LSAMP: variants seen among roughly 807,000 people sequenced by gnomAD.
LSAMP encodes limbic system-associated membrane protein.
Under a neutral mutation model 38.6 loss-of-function variants are expected in LSAMP, and 7 were observed. That is an observed-to-expected ratio of 0.18 (90% confidence interval 0.10 to 0.34). The LOEUF is 0.34. Ranked by LOEUF, LSAMP falls within the 10% of genes least tolerant of loss-of-function variation. The pLI is 1.00. For missense variants in LSAMP, 313 were observed against 420.0 expected, an observed-to-expected ratio of 0.75 and a Z score of 2.23; for synonymous variants, 154 against 166.8, an observed-to-expected ratio of 0.92 and a Z score of 0.59.
At chr3:116,211,017 A>G (rs780588030) in intron 1 of LSAMP, among the ~76,000 whole-genome samples, 43 of 152,112 alleles carry the variant, frequency 2.8e-4, no homozygotes, top group Non-Finnish European at 4.0e-4. Context: ...AAAAAAAACA[A>G]AAACAAATCC....
chr3:115,994,967 G>C (rs1366506813), intron 3 of LSAMP, among the ~76,000 whole-genome samples: 1 of 152,074 alleles, frequency 6.6e-6, no homozygotes, highest in Admixed American at 6.6e-5. Flanking sequence ...TGAGAATGTA[G>C]ATGCTGGGCA....
chr3:116,019,376 T>C (rs1940574923), intron 3 of LSAMP, 139 bp downstream of exon 3: 5 of 1,027,026 alleles, frequency 4.9e-6, no homozygotes, highest in Non-Finnish European at 6.9e-6. Context: ...AATAACAAGA[T>C]AGATGCATGA....
chr3:116,197,163 A>ACACACACACACACTCTCTCTCTCTCT (rs1268040540), intron 1 of LSAMP, among the ~76,000 whole-genome samples: 1 of 139,088 alleles, frequency 7.2e-6, no homozygotes, highest in African/African-American at 2.6e-5. Flanking sequence ...ACACACACAC[A>ACACACACACACACTCTCTCTCTCTCT]CTCTCTCTCT....
At chr3:116,123,661 T>A (rs1252275963) in intron 1 of LSAMP, among the ~76,000 whole-genome samples, 1 of 152,238 alleles carries the variant, frequency 6.6e-6, no homozygotes, top group Non-Finnish European at 1.5e-5. Context: ...GATAAGGGTA[T>A]CCATGATGCT....
intron 1 of LSAMP, among the ~76,000 whole-genome samples, chr3:116,425,639 A>G (rs1013314191): frequency 6.6e-6 from 1 of 152,182 alleles, no homozygotes; most frequent in Non-Finnish European, 1.5e-5. Context: ...CTAACCGTCT[A>G]TGACTTAGGG....
chr3:115,822,195 A>G (rs1481095791), intron 6 of LSAMP, among the ~76,000 whole-genome samples: 1 of 152,180 alleles, frequency 6.6e-6, no homozygotes, highest in Non-Finnish European at 1.5e-5. Flanking sequence ...ATAAACCTCA[A>G]TGTCAAATAT....
intron 1 of LSAMP, among the ~76,000 whole-genome samples, chr3:116,394,311 A>G (rs2048741158): frequency 6.6e-6 from 1 of 152,236 alleles, no homozygotes; most frequent in Admixed American, 6.5e-5. Flanking sequence ...GGTTTTTGAT[A>G]TAGATATGTA....
chr3:116,126,105 G>A (rs925723148), intron 1 of LSAMP, among the ~76,000 whole-genome samples: 4 of 152,212 alleles, frequency 2.6e-5, no homozygotes, highest in African/African-American at 9.6e-5. Flanking sequence ...CTTTAAATAT[G>A]TTGATCCAAA....
chr3:115,977,648 A>G (rs1246257356), intron 3 of LSAMP, among the ~76,000 whole-genome samples: 1 of 151,700 alleles, frequency 6.6e-6, no homozygotes, highest in African/African-American at 2.4e-5. Context: ...ATGTCTCCCA[A>G]CTTAAATATC....
chr3:116,251,146 T>C (rs1342930021), intron 1 of LSAMP, among the ~76,000 whole-genome samples: 1 of 152,224 alleles, frequency 6.6e-6, no homozygotes, highest in Non-Finnish European at 1.5e-5. Flanking sequence ...TTACAAAACG[T>C]GTCCCTCCCA....
At chr3:116,120,257 ATGG>A (rs1476231089) in intron 1 of LSAMP, among the ~76,000 whole-genome samples, 1 of 152,224 alleles carries the variant, frequency 6.6e-6, no homozygotes, top group South Asian at 2.1e-4. Flanking sequence ...CAGGGAAATG[ATGG>A]TGGTGGTGGG....
intron 1 of LSAMP, among the ~76,000 whole-genome samples, chr3:116,124,012 C>T (rs1708947769): frequency 6.6e-6 from 1 of 152,132 alleles, no homozygotes; most frequent in Admixed American, 6.5e-5. Context: ...GCAAAGGCTT[C>T]CTTACCATCT....
At chr3:116,141,419 A>C (rs1011139573) in intron 1 of LSAMP, among the ~76,000 whole-genome samples, 1 of 33,868 alleles carries the variant, frequency 3.0e-5, no homozygotes, top group Non-Finnish European at 9.0e-5. Flanking sequence ...TATACCTAGA[A>C]AAAAAAAGTA....
intron 3 of LSAMP, among the ~76,000 whole-genome samples, chr3:115,854,288 T>TATTATTA (rs1559851947): frequency 6.7e-4 from 85 of 126,044 alleles, no homozygotes; most frequent in South Asian, 2.4e-3. Context: ...TATTATTTTT[T>TATTATTA]TTTTTTTTTT....
intron 1 of LSAMP, among the ~76,000 whole-genome samples, chr3:116,198,954 C>T (rs898119275): frequency 6.6e-6 from 1 of 151,922 alleles, no homozygotes; most frequent in African/African-American, 2.4e-5. Context: ...CATGATGGTG[C>T]ATGCCTGTCA....
chr3:116,098,355 C>T (rs1054043115), intron 1 of LSAMP, among the ~76,000 whole-genome samples: 1 of 151,980 alleles, frequency 6.6e-6, no homozygotes, highest in Non-Finnish European at 1.5e-5. Flanking sequence ...CAAAATTAGC[C>T]GGGCGTGGTG....
intron 1 of LSAMP, among the ~76,000 whole-genome samples, chr3:116,286,376 T>C (rs1319327541): frequency 6.6e-6 from 1 of 152,204 alleles, no homozygotes; most frequent in Non-Finnish European, 1.5e-5. Flanking sequence ...TAACAGGGTT[T>C]CCTTCAGCAG....
At chr3:115,904,746 T>G (rs984361069) in intron 3 of LSAMP, among the ~76,000 whole-genome samples, 2 of 152,158 alleles carry the variant, frequency 1.3e-5, no homozygotes, top group East Asian at 3.9e-4. Context: ...GTAACCTGTC[T>G]TACTCATTTC....
intron 3 of LSAMP, among the ~76,000 whole-genome samples, chr3:116,007,887 G>C (rs988171518): frequency 2.0e-5 from 3 of 152,136 alleles, no homozygotes; most frequent in African/African-American, 7.2e-5. Context: ...CCCACACCTA[G>C]AGTTTCTGAT....
Sources: gnomAD v4.1 joint callset for allele counts (sites outside exome capture counted in the v4.1 genomes callset) on GRCh38, gnomAD v4.1.1 for gene constraint, MANE v1.5 for transcripts, NCBI Gene and HGNC (gene_info 2026-07-23, HGNC 2026-07-21) for gene names.